The following BFSP1 variants were observed in gnomAD, a reference collection of about 807,000 sequenced individuals.
BFSP1 encodes the protein filensin.
A neutral mutation model predicts 43.9 loss-of-function variants in BFSP1; 38 were observed. That is an observed-to-expected ratio of 0.87 (90% CI 0.67 to 1.14). The LOEUF (loss-of-function observed/expected upper bound fraction) is 1.14, where lower values mean the gene tolerates loss of function less well. BFSP1 is among the 50% of genes most tolerant of loss of function. The pLI is 0.00. For missense variants in BFSP1, 850 were observed against 875.1 expected (o/e 0.97, Z 0.36); for synonymous variants, 352 against 354.8 (o/e 0.99, Z 0.09).
At chr20:17,564,114 C>T (rs938218921) in intron 1 of BFSP1, among the ~76,000 whole-genome samples, 29 of 151,946 alleles carry the variant, frequency 1.9e-4, no homozygotes, top group Non-Finnish European at 1.5e-5. Context: ...AGGAGGATCA[C>T]TTGAGTCCAA....
In BFSP1 at chr20:17,525,584, A is replaced by G. The variant is rs1268227220; in HGVS notation, c.378-676T>C. Among the ~76,000 whole-genome samples, 1 of 152,202 alleles carries G rather than the reference A, an allele frequency of 6.6e-6. No homozygotes were observed. Among genetic ancestry groups the G allele is most frequent in the Non-Finnish European group, 1.5e-5 (1 of 68,038 alleles). On this transcript the variant is annotated intron_variant, in intron 1 of 7. Coordinates refer to ENST00000377873, the MANE Select transcript of BFSP1 (RefSeq NM_001195.5). The surrounding 1 kb of genome is among the most constrained non-coding windows in gnomAD (Gnocchi z 4.2). Reference sequence around the variant, plus strand: ...GCAGCCCACAAACTCTGAATGAGGCAAATTGGAGCATAAGTACCCCAGCTC... The same window carrying G: ...GCAGCCCACAAACTCTGAATGAGGCGAATTGGAGCATAAGTACCCCAGCTC...
intron 1 of BFSP1, among the ~76,000 whole-genome samples, chr20:17,542,414 ACCT>A (rs1439879188): frequency 7.2e-6 from 1 of 138,778 alleles, no homozygotes; most frequent in Non-Finnish European, 1.5e-5. Flanking sequence ...ACATACAGAG[ACCT>A]CATCTCTACC....
intron 1 of BFSP1, among the ~76,000 whole-genome samples, chr20:17,556,587 T>C (rs1431903669): frequency 2.0e-5 from 3 of 152,082 alleles, no homozygotes; most frequent in African/African-American, 7.2e-5. Flanking sequence ...ATCTATCGTG[T>C]GTGTAAATAA....
intron 4 of BFSP1, 89 bp downstream of exon 4, chr20:17,511,879 GCCGCCCTC>G: frequency 9.6e-7 from 1 of 1,036,394 alleles, no homozygotes; most frequent in Non-Finnish European, 1.4e-6. Flanking sequence ...GACCCTGGTG[GCCGCCCTC>G]ACAGTCCAAC....
At chr20:17,523,990 C>G (rs1031936131) in intron 2 of BFSP1, among the ~76,000 whole-genome samples, 6 of 152,052 alleles carry the variant, frequency 3.9e-5, no homozygotes, top group Admixed American at 2.6e-4. Context: ...AGGGAAGAGT[C>G]TGCGGTTTTG....
intron 1 of BFSP1, among the ~76,000 whole-genome samples, chr20:17,568,798 G>A (rs1417825623): frequency 6.6e-6 from 1 of 151,108 alleles, no homozygotes; most frequent in Non-Finnish European, 1.5e-5. Context: ...ATTTTACGTA[G>A]TGCCGGAAAA....
At chr20:17,555,048 C>T (rs2034966775) in intron 1 of BFSP1, among the ~76,000 whole-genome samples, 1 of 152,038 alleles carries the variant, frequency 6.6e-6, no homozygotes, top group South Asian at 2.1e-4. Context: ...CCTGTAATCC[C>T]AGCACTTTGG....
At position 17,521,537 on chromosome 20, in the gene BFSP1, A is replaced by T. The variant is rs562842636; in HGVS notation, c.438+3311T>A. On this transcript the variant is annotated intron_variant, in intron 2 of 7. Transcript: ENST00000377873. ...GCTAAAACCTCGTTGATCTGATGTA[A>T]GAAAATACCCAAAACCTGCAGGCCA... 3.3e-5 allele frequency among the ~76,000 whole-genome samples: 5 copies of T among 152,368 alleles called. No homozygotes were observed. In the South Asian group the frequency reaches 1.0e-3, roughly 32 times the overall value.
At chr20:17,547,336 C>A (rs2034820489) in intron 1 of BFSP1, among the ~76,000 whole-genome samples, 1 of 152,136 alleles carries the variant, frequency 6.6e-6, no homozygotes. Flanking sequence ...TCCGAAGCTG[C>A]TTCCTGCTGA....
Position 17,494,243 on chromosome 20 carries a change from T to A in BFSP1, c.1829A>T (p.Glu610Val), listed in dbSNP as rs2033566911. Reference protein sequence around the residue: ...VLGTRSRSLPEKGPPKALAYK... With the variant: ...VLGTRSRSLPVKGPPKALAYK... ...GGCCAAAGCCTTGGGAGGGCCTTTT[T>A]CTGGCAGGCTTCTGCTCCTAGTCCC... Residue 610 changes from glutamate (E) to valine (V), a missense_variant, in exon 8 of 8, where the codon GAA becomes GTA. By Grantham distance (121) the Glu-to-Val change is moderately radical (BLOSUM62 -2). Coordinates refer to ENST00000377873, the MANE Select transcript of BFSP1 (RefSeq NM_001195.5). 6.2e-7 allele frequency: 1 copy of A among 1,614,108 alleles called. No homozygotes were observed.
intron 5 of BFSP1, among the ~76,000 whole-genome samples, chr20:17,505,372 A>G (rs2033909764): frequency 6.6e-6 from 1 of 152,198 alleles, no homozygotes; most frequent in Non-Finnish European, 1.5e-5. Flanking sequence ...TGCATTTCTG[A>G]CAAGTTCCCA....
At chr20:17,562,611 T>C (rs1025640608), upstream of BFSP1, among the ~76,000 whole-genome samples, 2 of 151,574 alleles carry the variant, frequency 1.3e-5, no homozygotes, top group African/African-American at 4.9e-5. Flanking sequence ...GTTGAGATAA[T>C]TGTACTACTT....
chr20:17,545,098 AG>A (rs2034777813), intron 1 of BFSP1, among the ~76,000 whole-genome samples: 1 of 152,216 alleles, frequency 6.6e-6, no homozygotes, highest in Non-Finnish European at 1.5e-5. Context: ...AGGACAAAAG[AG>A]TTTTCCCAGG....
At chr20:17,520,210 G>GCCCCCCCCCCCCCCCCCCC (rs138070825) in intron 2 of BFSP1, among the ~76,000 whole-genome samples, 17 of 133,330 alleles carry the variant, frequency 1.3e-4, no homozygotes, top group Admixed American at 2.4e-4. Context: ...GTTTTAACGT[G>GCCCCCCCCCCCCCCCCCCC]CCCCCCCACC....
intron 5 of BFSP1, 31 bp from the exon 6 acceptor site, chr20:17,499,071 C>T (rs1198376448): frequency 6.3e-7 from 1 of 1,596,380 alleles, no homozygotes; most frequent in African/African-American, 1.3e-5. Flanking sequence ...TAAGAAAATC[C>T]ATCCCCCTTC....
At chr20:17,503,346 GTTTGAAATCT>G (rs1167609770) in intron 5 of BFSP1, among the ~76,000 whole-genome samples, 4 of 152,124 alleles carry the variant, frequency 2.6e-5, no homozygotes, top group Admixed American at 1.3e-4. Flanking sequence ...ACTTTTCTAT[GTTTGAAATCT>G]TCCATAATAA....
At chr20:17,554,423 A>G (rs530634792) in intron 1 of BFSP1, among the ~76,000 whole-genome samples, 2 of 152,346 alleles carry the variant, frequency 1.3e-5, no homozygotes, top group South Asian at 4.1e-4. Context: ...GTAGTTCCAG[A>G]GAACACACCT....
intron 1 of BFSP1, among the ~76,000 whole-genome samples, chr20:17,550,170 G>A (rs531940085): frequency 1.5e-4 from 23 of 152,170 alleles, no homozygotes; most frequent in Non-Finnish European, 3.1e-4. Context: ...CCAAGAGGGG[G>A]TTCTTGGACT....
upstream of BFSP1, among the ~76,000 whole-genome samples, chr20:17,561,486 G>A (rs1027515612): frequency 3.3e-5 from 5 of 150,080 alleles, no homozygotes; most frequent in African/African-American, 4.9e-5. Context: ...GCAACAGAGC[G>A]AAACTCCGCC....
Sources: allele counts gnomAD v4.1 joint callset (sites outside exome capture counted in the v4.1 genomes callset), GRCh38; gene constraint gnomAD v4.1.1; non-coding constraint Gnocchi (gnomAD v3.1); transcripts MANE v1.5; gene names NCBI Gene and HGNC (gene_info 2026-07-23, HGNC 2026-07-21).